The following MYT1L variants were observed in gnomAD, a reference collection of about 807,000 sequenced individuals.
MYT1L encodes myelin transcription factor 1-like protein.
Under a neutral mutation model 126.7 loss-of-function variants are expected in MYT1L, and 12 were observed. That is an observed-to-expected ratio of 0.09 (90% confidence interval 0.06 to 0.15). The LOEUF is 0.15. MYT1L is among the 10% of genes least tolerant of loss of function. The pLI, the probability that MYT1L is intolerant of heterozygous loss-of-function variation, is 1.00. For missense variants in MYT1L, 979 were observed against 1,585.2 expected, an observed-to-expected ratio of 0.62 and a Z score of 6.49; for synonymous variants, 541 against 604.2, an observed-to-expected ratio of 0.90 and a Z score of 1.53.
At chr2:1,964,709 AAT>A (rs770759031) in intron 8 of MYT1L, among the ~76,000 whole-genome samples, 252 of 152,338 alleles carry the variant, frequency 1.7e-3, no homozygotes, top group Middle Eastern at 6.8e-3. Context: ...ACCTAAGAAT[AAT>A]ATAAATTTCA....
intron 2 of MYT1L, among the ~76,000 whole-genome samples, chr2:2,264,666 G>A (rs562201374): frequency 4.6e-5 from 7 of 152,160 alleles, no homozygotes; most frequent in African/African-American, 1.4e-4. Context: ...CTGAGGACGC[G>A]CCACGGTCCC....
intron 4 of MYT1L, among the ~76,000 whole-genome samples, chr2:2,014,541 C>T (rs940046672): frequency 2.0e-5 from 3 of 152,172 alleles, no homozygotes; most frequent in Admixed American, 2.0e-4. Flanking sequence ...CCTTCCTCTG[C>T]AGCAGGGAGC....
chr2:1,900,348 G>A (rs2050170631), intron 14 of MYT1L, among the ~76,000 whole-genome samples: 2 of 151,806 alleles, frequency 1.3e-5, no homozygotes, highest in South Asian at 4.2e-4. Flanking sequence ...TGCCCAGGCT[G>A]GAGTGCAGTG....
At chr2:1,890,315 CA>C (rs1459976276) in intron 15 of MYT1L, among the ~76,000 whole-genome samples, 11 of 152,264 alleles carry the variant, frequency 7.2e-5, no homozygotes, top group African/African-American at 2.6e-4. Context: ...TCAAGTGATC[CA>C]GCCGCCTCAG....
At chr2:2,232,021 A>G (rs536276292) in intron 2 of MYT1L, among the ~76,000 whole-genome samples, 1 of 152,342 alleles carries the variant, frequency 6.6e-6, no homozygotes, top group African/African-American at 2.4e-5. Context: ...ACCACTTAAC[A>G]ATAAAGGAAA....
intron 2 of MYT1L, among the ~76,000 whole-genome samples, chr2:2,176,863 A>G (rs2090857702): frequency 6.6e-6 from 1 of 152,216 alleles, no homozygotes; most frequent in Non-Finnish European, 1.5e-5. Context: ...TCAACTAACC[A>G]CATAAAAGGA....
intron 22 of MYT1L, among the ~76,000 whole-genome samples, chr2:1,807,792 C>G (rs1222255143): frequency 6.6e-6 from 1 of 152,086 alleles, no homozygotes; most frequent in Non-Finnish European, 1.5e-5. Context: ...ACCCTCTGGT[C>G]CCATTTTTGT....
chr2:2,328,093 T>C (rs1033581740), intron 1 of MYT1L, among the ~76,000 whole-genome samples: 1 of 152,210 alleles, frequency 6.6e-6, no homozygotes, highest in Non-Finnish European at 1.5e-5. Context: ...GTAAAGTATT[T>C]ATAAAAGCAG....
intron 3 of MYT1L, among the ~76,000 whole-genome samples, chr2:2,166,173 C>T (rs1423450367): frequency 1.3e-5 from 2 of 152,120 alleles, no homozygotes; most frequent in African/African-American, 4.8e-5. Flanking sequence ...TCTAGCCTGC[C>T]TCCCTGTTTT....
At chr2:1,899,042 G>A (rs2049991353) in intron 14 of MYT1L, among the ~76,000 whole-genome samples, 1 of 152,242 alleles carries the variant, frequency 6.6e-6, no homozygotes, top group Non-Finnish European at 1.5e-5. Context: ...ATCAAAAGGA[G>A]AACATGGGCA....
chr2:2,257,355 G>A lies in MYT1L; in HGVS notation c.-421+27049C>T, dbSNP rs190426812. 5.3e-5 allele frequency among the ~76,000 whole-genome samples: 8 copies of A among 152,310 alleles called. No individual in the cohort carries two copies. The East Asian group carries it at 1.2e-3, about 22-fold the overall frequency. The stretch of plus-strand genomic sequence containing the variant: ...GATGATGTCTTAATGCCCTGGGATT[G>A]TTTTTCCAGGTTGGAGCCATAAGGA... On this transcript the variant is annotated intron_variant, in intron 2 of 24. Coordinates refer to ENST00000647738, the MANE Select transcript of MYT1L (RefSeq NM_001303052.2).
chr2:1,825,774 T>C (rs1362081344), intron 21 of MYT1L: 1 of 152,234 alleles, frequency 6.6e-6, no homozygotes, highest in Non-Finnish European at 1.5e-5. Context: ...TCTCTGAAGA[T>C]CCTAGCGCAG....
At chr2:2,204,190 C>T (rs2093208219) in intron 2 of MYT1L, among the ~76,000 whole-genome samples, 1 of 152,180 alleles carries the variant, frequency 6.6e-6, no homozygotes, top group African/African-American at 2.4e-5. Flanking sequence ...TCATTCAGGA[C>T]ATAGGCATGG....
At chr2:2,096,847 T>G (rs2077510237) in intron 3 of MYT1L, among the ~76,000 whole-genome samples, 1 of 152,202 alleles carries the variant, frequency 6.6e-6, no homozygotes, top group South Asian at 2.1e-4. Flanking sequence ...CCATTTCTTT[T>G]GAGAACCTTC....
At chr2:2,236,804 TCTTCTTCTTC>T (rs746317819) in intron 2 of MYT1L, among the ~76,000 whole-genome samples, 1,693 of 19,570 alleles carry the variant, frequency 0.087, 6 homozygotes, top group African/African-American at 0.12. Context: ...TTCTTCTTCT[TCTTCTTCTTC>T]TTTTTTTTTT....
At chr2:2,051,080 G>C (rs1176744591) in intron 4 of MYT1L, among the ~76,000 whole-genome samples, 2 of 152,116 alleles carry the variant, frequency 1.3e-5, no homozygotes, top group African/African-American at 4.8e-5. Flanking sequence ...GATAGGGTAA[G>C]AAATAGAACC....
chr2:2,088,735 T>G lies in MYT1L; in HGVS notation c.-303-34612A>C, dbSNP rs111870409. 2.3e-3 allele frequency among the ~76,000 whole-genome samples: 349 copies of G among 152,346 alleles called. 1 individual carries two copies. Among genetic ancestry groups the G allele is most frequent in the African/African-American group, 7.2e-3 (301 of 41,584 alleles). ...AGTGTACCCAAAGAGACGCCATGCT[T>G]CTAACCTGAATAATACTTTTAAAGA... On this transcript the variant is annotated intron_variant, in intron 3 of 24. Coordinates refer to ENST00000647738, the MANE Select transcript of MYT1L (RefSeq NM_001303052.2).
intron 3 of MYT1L, among the ~76,000 whole-genome samples, chr2:2,068,793 T>TTTTTTTTTTTTTTTTTTTTTA: frequency 6.9e-6 from 1 of 144,594 alleles, no homozygotes; most frequent in African/African-American, 2.5e-5. Context: ...TTTTTTTTTT[T>TTTTTTTTTTTTTTTTTTTTTA]TTTTTCATAT....
rs531417953 is a variant in MYT1L at position 2,005,072 on chromosome 2, G to A, written c.-157-7725C>T. On this transcript the variant is annotated intron_variant, in intron 4 of 24. Coordinates refer to ENST00000647738, the MANE Select transcript of MYT1L (RefSeq NM_001303052.2). The stretch of plus-strand genomic sequence containing the variant: ...CCTGAATACATTCTTTCCTGCATGC[G>A]TTCTTTCCTGCAGGCGTTCTTTCCT... Among the ~76,000 whole-genome samples, 53 of 141,996 alleles carry A rather than the reference G, an allele frequency of 3.7e-4. No individual in the cohort carries two copies. In the South Asian group the frequency reaches 8.3e-3, roughly 22 times the overall value. The allele number at this position is 141,996 out of a possible 152,430, so 93.2% of individuals were successfully genotyped here.
Sources: gnomAD v4.1 joint callset for allele counts (sites outside exome capture counted in the v4.1 genomes callset) on GRCh38, gnomAD v4.1.1 for gene constraint, MANE v1.5 for transcripts, NCBI Gene and HGNC (gene_info 2026-07-23, HGNC 2026-07-21) for gene names.